The following MCPH1 variants were observed in gnomAD, a reference collection of about 807,000 sequenced individuals.
MCPH1 encodes microcephalin.
MCPH1 carries 104 observed loss-of-function variants against 84.5 expected under a neutral mutation model. The observed-to-expected ratio is 1.23, with a 90% CI of 1.05 to 1.45. The LOEUF (loss-of-function observed/expected upper bound fraction) is 1.45. Among genes scored for constraint, MCPH1 ranks in the 40% most tolerant of loss-of-function variants. The pLI is 0.00. For synonymous variants in MCPH1, 514 were observed against 366.8 expected (o/e 1.40, Z -4.58); for missense variants, 1,498 against 1,005.7 (o/e 1.49, Z -6.62).
At chr8:6,559,210 G>A (rs1178291642) in intron 12 of MCPH1, among the ~76,000 whole-genome samples, 1 of 141,014 alleles carries the variant, frequency 7.1e-6, no homozygotes, top group African/African-American at 2.7e-5. Flanking sequence ...GCTATTGAGT[G>A]TTTTGTAGCC....
At chr8:6,539,190 G>T (rs950426418) in intron 12 of MCPH1, among the ~76,000 whole-genome samples, 3 of 152,312 alleles carry the variant, frequency 2.0e-5, no homozygotes, top group Middle Eastern at 3.4e-3. Context: ...CCAGAGCCTG[G>T]GGGGTAGGCA....
chr8:6,532,184 C>T (rs1253581739), intron 12 of MCPH1: 10 of 915,186 alleles, frequency 1.1e-5, no homozygotes, highest in Middle Eastern at 3.2e-4. Context: ...AGCAGCCATA[C>T]ATCCTTAATT....
intron 12 of MCPH1, among the ~76,000 whole-genome samples, chr8:6,505,720 C>CTATATATATTCTTTATATATACG (rs1554515019): frequency 1.6e-4 from 17 of 107,664 alleles, no homozygotes; most frequent in Admixed American, 6.2e-4. Context: ...TATATATATT[C>CTATATATATTCTTTATATATACG]TATATATATT....
Position 6,622,723 on chromosome 8 carries a change from C to A in MCPH1, c.2452+1032C>A, listed in dbSNP as rs554750991. On this transcript the variant is annotated intron_variant, in intron 13 of 13. Coordinates refer to ENST00000344683, the MANE Select transcript of MCPH1 (RefSeq NM_024596.5). ...CAGCTGCCTTCTTCCTGTGACCTCA[C>A]GTGGCCTTTCCTCCATGCACACACA... 9.2e-5 allele frequency among the ~76,000 whole-genome samples: 14 copies of A among 152,314 alleles called. No homozygotes were observed. In the South Asian group the frequency reaches 2.7e-3, roughly 29 times the overall value.
chr8:6,640,097 T>TGTGCGC (rs1242280817), intron 13 of MCPH1, among the ~76,000 whole-genome samples: 22 of 131,490 alleles, frequency 1.7e-4, no homozygotes, highest in Admixed American at 3.8e-4. Flanking sequence ...TGTGTGTGTG[T>TGTGCGC]GCGCGCGCGT....
At chr8:6,409,062 C>G (rs1388150043) in intron 1 of MCPH1, among the ~76,000 whole-genome samples, 1 of 151,764 alleles carries the variant, frequency 6.6e-6, no homozygotes, top group Non-Finnish European at 1.5e-5. Flanking sequence ...TTTTTTGTAT[C>G]TTTTAGTAGA....
chr8:6,434,114 C>T (rs779515320), intron 4 of MCPH1, among the ~76,000 whole-genome samples: 1 of 152,166 alleles, frequency 6.6e-6, no homozygotes, highest in Non-Finnish European at 1.5e-5. Context: ...GCCAACTATG[C>T]AAGTCTCTTT....
intron 9 of MCPH1, among the ~76,000 whole-genome samples, chr8:6,463,518 G>C (rs1277636968): frequency 2.0e-5 from 3 of 152,184 alleles, no homozygotes; most frequent in Admixed American, 6.5e-5. Flanking sequence ...CAGCTCATTT[G>C]GGTGTAGCAT....
chr8:6,438,546 G>C (rs77005693), intron 5 of MCPH1, among the ~76,000 whole-genome samples: 5,833 of 152,282 alleles, frequency 0.038, 414 homozygotes, highest in African/African-American at 0.13. Flanking sequence ...GAGTGTGTTT[G>C]AGGGTAGGAG....
At chr8:6,521,925 A>C (rs1334028459) in intron 12 of MCPH1, among the ~76,000 whole-genome samples, 1 of 152,242 alleles carries the variant, frequency 6.6e-6, no homozygotes, top group Non-Finnish European at 1.5e-5. Context: ...TACTTCTCCC[A>C]GACTCAAGTA....
chr8:6,477,400 G>A (rs1808616325), intron 9 of MCPH1, 194 bp from the exon 10 acceptor site: 2 of 584,304 alleles, frequency 3.4e-6, no homozygotes, highest in Admixed American at 3.1e-5. Context: ...ATTGCTTTGG[G>A]GACAGTATCT....
intron 6 of MCPH1, among the ~76,000 whole-genome samples, chr8:6,440,081 G>T (rs951718807): frequency 6.6e-6 from 1 of 152,200 alleles, no homozygotes; most frequent in Admixed American, 6.5e-5. Context: ...TGGAGGGTTT[G>T]TTTGCAGCTT....
At chr8:6,546,936 C>T (rs1006099461) in intron 12 of MCPH1, among the ~76,000 whole-genome samples, 5 of 152,162 alleles carry the variant, frequency 3.3e-5, no homozygotes, top group African/African-American at 1.2e-4. Flanking sequence ...CTAGGAAAAA[C>T]AGCCATGTTC....
At position 6,444,944 on chromosome 8, in the gene MCPH1, G is replaced by GGGGA. The variant is rs746106159; in HGVS notation, c.1224_1227dup (p.Ser410GlyfsTer5). 5.0e-6 allele frequency: 8 copies of GGGGA among 1,614,024 alleles called. No homozygotes were observed. In the Admixed American group the frequency reaches 1.3e-4, roughly 27 times the overall value. ...ACCTGCCCTGGAGGCTCTTAGCTGT[G>GGGGA]GGGAGTCTTCATATGATGACTATTT... is the stretch of plus-strand genomic sequence containing the variant. On this transcript the variant is annotated frameshift_variant, in exon 8 of 14. Transcript: ENST00000344683. LOFTEE classifies it high-confidence loss of function.
In MCPH1 at chr8:6,444,494, A is replaced by C; in HGVS notation, c.772A>C (p.Ile258Leu). 6.2e-7 allele frequency: 1 copy of C among 1,614,230 alleles called. No individual in the cohort carries two copies. ...ERKLEGSIND[I>L]KSDVCISSLV... The stretch of plus-strand genomic sequence containing the variant: ...GAAGTTGGAAGGATCCATTAATGAC[A>C]TTAAAAGTGATGTGTGTATTTCTTC... The change falls in exon 8 of 14, where the codon ATT becomes CTT. Residue 258 changes from isoleucine to leucine, a missense_variant. Coordinates refer to ENST00000344683, the MANE Select transcript of MCPH1 (RefSeq NM_024596.5).
intron 12 of MCPH1, among the ~76,000 whole-genome samples, chr8:6,512,057 C>G (rs567764160): frequency 6.6e-6 from 1 of 151,984 alleles, no homozygotes. Flanking sequence ...CTGTGAGGCC[C>G]AAACACCTAT....
intron 12 of MCPH1, chr8:6,562,958 A>G (rs1825785798): frequency 6.4e-7 from 1 of 1,557,276 alleles, no homozygotes; most frequent in African/African-American, 1.4e-5. Context: ...ATAAACCAGC[A>G]GCTTAGCAAA....
At chr8:6,407,929 T>G (rs1797974015) in intron 1 of MCPH1, among the ~76,000 whole-genome samples, 1 of 152,212 alleles carries the variant, frequency 6.6e-6, no homozygotes, top group Admixed American at 6.5e-5. Context: ...CATTTCCTTC[T>G]CCATAAATAA....
At chr8:6,528,183 C>A (rs886777415) in intron 12 of MCPH1, among the ~76,000 whole-genome samples, 1 of 152,200 alleles carries the variant, frequency 6.6e-6, no homozygotes, top group African/African-American at 2.4e-5. Flanking sequence ...CAGGCATTAG[C>A]CACTGCACCC....
Sources: gnomAD v4.1 joint callset for allele counts (sites outside exome capture counted in the v4.1 genomes callset) on GRCh38, gnomAD v4.1.1 for gene constraint, MANE v1.5 for transcripts, NCBI Gene and HGNC (gene_info 2026-07-23, HGNC 2026-07-21) for gene names.